Variants in ABCG8 observed in about 807,000 individuals in gnomAD.
ABCG8 encodes the protein ATP-binding cassette sub-family G member 8.
Under a neutral mutation model 71.3 loss-of-function variants are expected in ABCG8, and 81 were observed. The observed-to-expected ratio is 1.14, with a 90% CI of 0.95 to 1.37. The LOEUF (loss-of-function observed/expected upper bound fraction) is 1.37, where lower values mean the gene tolerates loss of function less well. ABCG8 is among the 40% of genes most tolerant of loss of function. The probability of loss-of-function intolerance (pLI) is 0.00; values close to 1 mark genes in which losing one functional copy is unlikely to be tolerated. For missense variants in ABCG8, 1,119 were observed against 866.2 expected, an observed-to-expected ratio of 1.29 and a Z score of -3.66; for synonymous variants, 451 against 354.7, an observed-to-expected ratio of 1.27 and a Z score of -3.05.
intron 11 of ABCG8, among the ~76,000 whole-genome samples, chr2:43,876,765 G>A (rs894710611): frequency 2.3e-4 from 35 of 151,386 alleles, no homozygotes; most frequent in African/African-American, 7.5e-4. Context: ...TCAATATAAA[G>A]GAGACTGTGG....
intron 6 of ABCG8, among the ~76,000 whole-genome samples, chr2:43,863,959 T>A (rs1418891881): frequency 6.6e-6 from 1 of 151,630 alleles, no homozygotes; most frequent in Non-Finnish European, 1.5e-5. Flanking sequence ...TCTCACTCTG[T>A]AGGTAGAACT....
chr2:43,860,793 A>G (rs1415434440), intron 6 of ABCG8, among the ~76,000 whole-genome samples: 1 of 136,512 alleles, frequency 7.3e-6, no homozygotes, highest in African/African-American at 2.8e-5. Flanking sequence ...TAGAATTCTC[A>G]CCCTCTGGAT....
chr2:43,865,730 T>G (rs1669508534), intron 6 of ABCG8, among the ~76,000 whole-genome samples: 1 of 152,134 alleles, frequency 6.6e-6, no homozygotes, highest in African/African-American at 2.4e-5. Context: ...ACTGTCTATC[T>G]GGATAGAATT....
chr2:43,861,765 T>C (rs912616614), intron 6 of ABCG8, among the ~76,000 whole-genome samples: 16 of 150,764 alleles, frequency 1.1e-4, no homozygotes, highest in African/African-American at 3.4e-4. Flanking sequence ...TAATTCTCAC[T>C]ATCCGGATAG....
chr2:43,868,760 A>C (rs998296816), intron 6 of ABCG8, among the ~76,000 whole-genome samples: 4 of 151,724 alleles, frequency 2.6e-5, no homozygotes, highest in South Asian at 2.1e-4. Flanking sequence ...CACTCTGTGG[A>C]TAGAACTCTG....
chr2:43,845,218 G>C (rs1197482403), intron 2 of ABCG8, among the ~76,000 whole-genome samples: 1 of 151,776 alleles, frequency 6.6e-6, no homozygotes, highest in Admixed American at 6.6e-5. Flanking sequence ...GAACCCCCTG[G>C]TCAGATTCAA....
At chr2:43,841,882 A>T (rs557163345) in intron 1 of ABCG8, among the ~76,000 whole-genome samples, 30 of 152,298 alleles carry the variant, frequency 2.0e-4, no homozygotes, top group South Asian at 1.4e-3. Flanking sequence ...CGACCTGGGG[A>T]TGTTTTGGCC....
At chr2:43,875,551 C>A (rs1261911611) in intron 11 of ABCG8, 138 bp downstream of exon 11, 11 of 1,127,886 alleles carry the variant, frequency 9.8e-6, no homozygotes, top group Non-Finnish European at 1.4e-5. Flanking sequence ...AGGCCTTTGC[C>A]CACTGCCCTG....
chr2:43,871,120 C>G (rs10210428), intron 6 of ABCG8, among the ~76,000 whole-genome samples: 6,115 of 151,412 alleles, frequency 0.04, 162 homozygotes, highest in Non-Finnish European at 0.058. Flanking sequence ...CAAACTCTCA[C>G]TATCTGGATA....
At chr2:43,852,306 C>T in intron 4 of ABCG8, 48 bp from the exon 5 acceptor site, 1 of 1,611,470 alleles carries the variant, frequency 6.2e-7, no homozygotes, top group Non-Finnish European at 8.5e-7. Flanking sequence ...TGTGTCCAGC[C>T]CTGAAGGAGG....
Position 43,852,405 on chromosome 2 carries a change from G to C in ABCG8, c.613G>C (p.Val205Leu), listed in dbSNP as rs373723529. Residue 205 changes from valine (V) to leucine (L), a missense_variant, in exon 5 of 13, where the codon GTG becomes CTG. Coordinates refer to ENST00000272286, the MANE Select transcript of ABCG8 (RefSeq NM_022437.3). ...LRLRQCADTR[V>L]GNMYVRGLSG... The stretch of plus-strand genomic sequence containing the variant: ...GCTTAGGCAGTGCGCTGACACCCGC[G>C]TGGGCAACATGTACGTGCGGGGGTT... The C allele has an allele frequency of 1.4e-5, 22 of 1,612,340 alleles. No individual in the cohort carries two copies. The highest frequency in any genetic ancestry group is 4.3e-4 in the Middle Eastern group (2 of 4,684).
At chr2:43,869,768 A>C (rs1241704357) in intron 6 of ABCG8, among the ~76,000 whole-genome samples, 7 of 151,630 alleles carry the variant, frequency 4.6e-5, no homozygotes, top group African/African-American at 1.7e-4. Context: ...TCTGGATAGA[A>C]TTCTTACCAT....
chr2:43,858,839 G>A (rs538874529), intron 6 of ABCG8, among the ~76,000 whole-genome samples: 2 of 151,414 alleles, frequency 1.3e-5, no homozygotes, highest in South Asian at 4.2e-4. Context: ...TATCTGGATA[G>A]AATTCTCACA....
intron 6 of ABCG8, among the ~76,000 whole-genome samples, chr2:43,860,305 T>A (rs1202327176): frequency 6.6e-6 from 1 of 151,222 alleles, no homozygotes; most frequent in East Asian, 1.9e-4. Context: ...GAACTCTCAC[T>A]ATCTTCCTGG....
chr2:43,871,286 A>G (rs76218686), intron 6 of ABCG8, among the ~76,000 whole-genome samples: 47 of 142,032 alleles, frequency 3.3e-4, no homozygotes, highest in Admixed American at 4.2e-4. Context: ...AACTCTCACT[A>G]TCTGGATAGA....
At position 43,871,938 on chromosome 2, in the gene ABCG8, G is replaced by A. The variant is rs1341334463; in HGVS notation, c.965-38G>A. 5 of 1,613,434 alleles carry A rather than the reference G, an allele frequency of 3.1e-6. No individual in the cohort carries two copies. In the South Asian group the frequency reaches 5.5e-5, roughly 18 times the overall value. On this transcript the variant is annotated intron_variant, in intron 6 of 12. Transcript: ENST00000272286. ...TCTTCACCTGTGAGCAGGTGCCAGG[G>A]AACAGGCCACCTGTGACTCCACATC...
At chr2:43,866,008 T>C (rs1039453190) in intron 6 of ABCG8, among the ~76,000 whole-genome samples, 7 of 152,088 alleles carry the variant, frequency 4.6e-5, no homozygotes. Flanking sequence ...TATAGATCAA[T>C]AGAACAGAAC....
rs200243054 is a variant in ABCG8 at position 43,880,166 on chromosome 2, A to ATTTTTTTT, written c.*2259_*2260insTTTTTTTT. 1 of 102,536 alleles carries ATTTTTTTT rather than the reference A, an allele frequency of 9.8e-6. No individual in the cohort carries two copies. The highest frequency in any genetic ancestry group is 1.9e-5 in the Non-Finnish European group (1 of 52,622). The allele number at this position is 102,536 out of a possible 1,614,324, so 6.4% of individuals were successfully genotyped here. ...TGAAACAACCAAGAGTTTCAGGCTC[A>ATTTTTTTT]TTTTTTGTTTTGTTTTTTTTTTTTT... is the stretch of plus-strand genomic sequence containing the variant. On this transcript the variant is annotated 3_prime_UTR_variant, in exon 13 of 13. Transcript: ENST00000272286.
rs775207302 is a variant in ABCG8 at position 43,873,842 on chromosome 2, G to A, written c.1267G>A (p.Glu423Lys). ...GCCCACCCTCCTCATCCATGGGGCG[G>A]AGGCCTGTCTGATGTCAATGACCAT... Reference protein sequence around the residue: ...DLPTLLIHGAEACLMSMTIGF... With the variant: ...DLPTLLIHGAKACLMSMTIGF... Residue 423 changes from glutamate (E) to lysine (K), a missense_variant, in exon 9 of 13, where the codon GAG (glutamate) becomes AAG (lysine). By Grantham distance (56) the Glu-to-Lys change is moderately conservative. Transcript: ENST00000272286. The A allele has an allele frequency of 7.4e-6, 12 of 1,613,916 alleles. No individual in the cohort carries two copies. The highest frequency in any genetic ancestry group is 2.2e-5 in the East Asian group (1 of 44,880).
Sources: allele counts gnomAD v4.1 joint callset (sites outside exome capture counted in the v4.1 genomes callset), GRCh38; gene constraint gnomAD v4.1.1; transcripts MANE v1.5; gene names NCBI Gene and HGNC (gene_info 2026-07-23, HGNC 2026-07-21).